Variants in CAMTA1 observed in about 807,000 individuals in gnomAD.
The protein encoded by CAMTA1 is calmodulin-binding transcription activator 1.
Under a neutral mutation model 170.9 loss-of-function variants are expected in CAMTA1, and 27 were observed. The ratio of observed to expected loss-of-function variants is 0.16; its 90% CI spans 0.12 to 0.22. The LOEUF (loss-of-function observed/expected upper bound fraction) is 0.22, where lower values mean the gene tolerates loss of function less well. Ranked by LOEUF, CAMTA1 falls within the 10% of genes least tolerant of loss-of-function variation. The probability of loss-of-function intolerance (pLI) is 1.00; values close to 1 mark genes in which losing one functional copy is unlikely to be tolerated. For synonymous variants in CAMTA1, 833 were observed against 891.5 expected (o/e 0.93, Z 1.17); for missense variants, 1,619 against 2,217.2 (o/e 0.73, Z 5.42).
chr1:7,755,939 G>A (rs1233646388), intron 22 of CAMTA1, among the ~76,000 whole-genome samples: 3 of 152,210 alleles, frequency 2.0e-5, no homozygotes, highest in Non-Finnish European at 2.9e-5. Context: ...AGGATGCGGT[G>A]GAGGAAGCCT....
At chr1:6,786,056 G>A (rs1031556711) in intron 1 of CAMTA1, among the ~76,000 whole-genome samples, 1 of 151,684 alleles carries the variant, frequency 6.6e-6, no homozygotes, top group Non-Finnish European at 1.5e-5. Context: ...CCCGTCGGGC[G>A]GCAGCGGCCG....
chr1:7,503,519 C>T (rs1179330603), intron 6 of CAMTA1, among the ~76,000 whole-genome samples: 1 of 152,180 alleles, frequency 6.6e-6, no homozygotes, highest in African/African-American at 2.4e-5. Context: ...ATGGTCGCTG[C>T]CCTCCCCCAC....
intron 5 of CAMTA1, among the ~76,000 whole-genome samples, chr1:7,341,024 C>T (rs143440177): frequency 1.8e-3 from 267 of 152,340 alleles, no homozygotes; most frequent in African/African-American, 6.2e-3. Flanking sequence ...GATACAAGAC[C>T]TTCCTTCTTA....
In CAMTA1 at chr1:7,340,447, G is replaced by A. The variant is rs572890509; in HGVS notation, c.438+90821G>A. Among the ~76,000 whole-genome samples, 104 of 152,176 alleles carry A rather than the reference G, an allele frequency of 6.8e-4. 1 individual carries two copies. The highest frequency in any genetic ancestry group is 2.4e-3 in the African/African-American group (100 of 41,528). On this transcript the variant is annotated intron_variant, in intron 5 of 22. Coordinates refer to ENST00000303635, the MANE Select transcript of CAMTA1 (RefSeq NM_015215.4). ...CAGGACCCCTGTCAGATGCAGACATGTCTCTATGGAGAGACCAAGACTAGG... is the reference window on the plus strand; with the variant it reads ...CAGGACCCCTGTCAGATGCAGACATATCTCTATGGAGAGACCAAGACTAGG...
intron 5 of CAMTA1, among the ~76,000 whole-genome samples, chr1:7,277,021 C>T (rs945374974): frequency 6.6e-6 from 1 of 152,034 alleles, no homozygotes; most frequent in African/African-American, 2.4e-5. Context: ...ATATGTAAGA[C>T]CTGTACCCTT....
At chr1:7,647,723 AG>A (rs2095818996) in intron 7 of CAMTA1, among the ~76,000 whole-genome samples, 1 of 152,082 alleles carries the variant, frequency 6.6e-6, no homozygotes, top group Non-Finnish European at 1.5e-5. Context: ...GCGGGCTGGG[AG>A]CTCCGAGCCT....
At chr1:6,967,070 T>G (rs12021699) in intron 3 of CAMTA1, among the ~76,000 whole-genome samples, 1 of 151,354 alleles carries the variant, frequency 6.6e-6, no homozygotes, top group Admixed American at 6.6e-5. Context: ...GGTGAAACCC[T>G]GTCTCTACTA....
chr1:7,590,473 C>A (rs781218813), intron 6 of CAMTA1, among the ~76,000 whole-genome samples: 26 of 152,202 alleles, frequency 1.7e-4, no homozygotes, highest in Non-Finnish European at 3.1e-4. Flanking sequence ...GGCCAGGGAA[C>A]CTGCAGTGGC....
At chr1:7,718,269 T>C (rs1489872347) in intron 11 of CAMTA1, among the ~76,000 whole-genome samples, 1 of 145,300 alleles carries the variant, frequency 6.9e-6, no homozygotes, top group Non-Finnish European at 1.5e-5. Flanking sequence ...TCCGTAAACA[T>C]TTGTGGAATG....
At chr1:7,376,499 A>C (rs1245110359) in intron 5 of CAMTA1, among the ~76,000 whole-genome samples, 1 of 152,210 alleles carries the variant, frequency 6.6e-6, no homozygotes, top group East Asian at 1.9e-4. Flanking sequence ...ACAGAGTATA[A>C]GCAGTGCCTA....
intron 3 of CAMTA1, among the ~76,000 whole-genome samples, chr1:7,071,747 C>A (rs533102460): frequency 2.0e-5 from 3 of 152,302 alleles, no homozygotes; most frequent in South Asian, 2.1e-4. Context: ...ACTCTTTAAA[C>A]CAAGTAAGTG....
chr1:7,273,339 C>T (rs769762884), intron 5 of CAMTA1, among the ~76,000 whole-genome samples: 2 of 152,146 alleles, frequency 1.3e-5, no homozygotes, highest in Non-Finnish European at 2.9e-5. Flanking sequence ...AAATGTCCAC[C>T]GACTAATAAA....
rs58070259 is a variant in CAMTA1 at position 7,257,713 on chromosome 1, G to GTT, written c.438+8095_438+8096dup. Among the ~76,000 whole-genome samples, 74 of 151,336 alleles carry GTT rather than the reference G, an allele frequency of 4.9e-4. 1 individual carries two copies. The highest frequency in any genetic ancestry group is 2.4e-3 in the Admixed American group (37 of 15,228). ...AAATGTGAATTTCAGATAAACAACA[G>GTT]TTTTTTTTTAGTACAAGTATGTCTA... On this transcript the variant is annotated intron_variant, in intron 5 of 22. Transcript: ENST00000303635.
intron 4 of CAMTA1, among the ~76,000 whole-genome samples, chr1:7,229,855 C>T (rs1574050574): frequency 1.3e-5 from 2 of 152,222 alleles, no homozygotes; most frequent in East Asian, 3.9e-4. Context: ...AAGAAAATAG[C>T]CCGCATAGTC....
intron 4 of CAMTA1, among the ~76,000 whole-genome samples, chr1:7,202,587 G>A (rs1373616390): frequency 6.6e-6 from 1 of 152,126 alleles, no homozygotes; most frequent in African/African-American, 2.4e-5. Flanking sequence ...TTTTTGCAAT[G>A]TAAGTTTTGG....
At chr1:6,981,841 G>T (rs1412515538) in intron 3 of CAMTA1, among the ~76,000 whole-genome samples, 1 of 152,014 alleles carries the variant, frequency 6.6e-6, no homozygotes, top group Non-Finnish European at 1.5e-5. Flanking sequence ...TGATCTTTGT[G>T]CCTCAGCCTT....
intron 3 of CAMTA1, among the ~76,000 whole-genome samples, chr1:6,948,444 AC>A (rs1256343049): frequency 6.6e-6 from 1 of 152,188 alleles, no homozygotes; most frequent in African/African-American, 2.4e-5. Flanking sequence ...TGTACATTCC[AC>A]TGAGGGCTTT....
chr1:6,951,523 G>A (rs1437316028), intron 3 of CAMTA1, among the ~76,000 whole-genome samples: 3 of 152,202 alleles, frequency 2.0e-5, no homozygotes, highest in South Asian at 4.1e-4. Context: ...TCCATAAAAT[G>A]AGGGTTATAA....
chr1:7,556,629 G>T (rs1028998380), intron 6 of CAMTA1, among the ~76,000 whole-genome samples: 1 of 152,064 alleles, frequency 6.6e-6, no homozygotes, highest in African/African-American at 2.4e-5. Context: ...CTCAAACCTT[G>T]TGCCCCACCC....
Sources: allele counts gnomAD v4.1 joint callset (sites outside exome capture counted in the v4.1 genomes callset), GRCh38; gene constraint gnomAD v4.1.1; transcripts MANE v1.5; gene names NCBI Gene and HGNC (gene_info 2026-07-23, HGNC 2026-07-21).